Variants in CNTN4 observed in about 807,000 individuals in gnomAD.
The protein encoded by CNTN4 is contactin-4.
In CNTN4, 77 loss-of-function variants were observed where a neutral mutation model predicts 122.5. The observed-to-expected ratio is 0.63, with a 90% CI of 0.52 to 0.76. CNTN4 has a LOEUF of 0.76. Ranked by LOEUF, CNTN4 falls within the 30% of genes least tolerant of loss-of-function variation. The pLI is 0.00. For missense variants in CNTN4, 1,256 were observed against 1,259.1 expected (o/e 1.00, Z 0.04); for synonymous variants, 512 against 447.0 (o/e 1.15, Z -1.83).
At chr3:2,388,975 T>G (rs1318095369) in intron 3 of CNTN4, among the ~76,000 whole-genome samples, 1 of 151,584 alleles carries the variant, frequency 6.6e-6, no homozygotes, top group Non-Finnish European at 1.5e-5. Flanking sequence ...CTGGCCAACA[T>G]GGTGAAACCC....
intron 6 of CNTN4, among the ~76,000 whole-genome samples, chr3:2,779,760 G>A (rs1437439930): frequency 6.6e-6 from 1 of 152,150 alleles, no homozygotes; most frequent in Non-Finnish European, 1.5e-5. Flanking sequence ...GTATCTAGAA[G>A]CCATACAATA....
chr3:2,549,783 C>T (rs2078406729), intron 3 of CNTN4, among the ~76,000 whole-genome samples: 1 of 152,066 alleles, frequency 6.6e-6, no homozygotes, highest in African/African-American at 2.4e-5. Flanking sequence ...GGTACTAGCT[C>T]CTCTTTGTAC....
At chr3:2,552,189 T>C (rs2078536907) in intron 3 of CNTN4, among the ~76,000 whole-genome samples, 1 of 152,152 alleles carries the variant, frequency 6.6e-6, no homozygotes, top group Non-Finnish European at 1.5e-5. Flanking sequence ...AGTCTGTTAC[T>C]GTTGAAACAC....
intron 6 of CNTN4, among the ~76,000 whole-genome samples, chr3:2,792,503 G>T (rs969828393): frequency 2.6e-5 from 4 of 152,160 alleles, no homozygotes; most frequent in Admixed American, 6.5e-5. Context: ...CTTTTCATTT[G>T]CAGCTGAATA....
intron 2 of CNTN4, among the ~76,000 whole-genome samples, chr3:2,270,490 C>CA (rs2041249244): frequency 6.6e-6 from 1 of 151,770 alleles, no homozygotes; most frequent in South Asian, 2.1e-4. Context: ...TATGTTAATA[C>CA]ATCACTTGGC....
chr3:2,778,392 T>C (rs2091435760), intron 6 of CNTN4, among the ~76,000 whole-genome samples: 1 of 151,852 alleles, frequency 6.6e-6, no homozygotes, highest in Non-Finnish European at 1.5e-5. Context: ...TAAATTATGT[T>C]CTCAAAACAT....
intron 4 of CNTN4, among the ~76,000 whole-genome samples, chr3:2,716,472 T>C (rs757920538): frequency 3.3e-5 from 5 of 152,034 alleles, no homozygotes; most frequent in Non-Finnish European, 7.4e-5. Flanking sequence ...GTAAACTGGG[T>C]AGTTCATAGA....
At chr3:2,353,799 T>C (rs1215154480) in intron 3 of CNTN4, among the ~76,000 whole-genome samples, 1 of 152,076 alleles carries the variant, frequency 6.6e-6, no homozygotes, top group Non-Finnish European at 1.5e-5. Context: ...CTCGGGAGGC[T>C]GAGGCAGGAG....
chr3:2,508,033 T>C (rs2076782718), intron 3 of CNTN4, among the ~76,000 whole-genome samples: 1 of 152,204 alleles, frequency 6.6e-6, no homozygotes, highest in Non-Finnish European at 1.5e-5. Flanking sequence ...TTAAATGGGC[T>C]ATTTTCTCCA....
intron 2 of CNTN4, among the ~76,000 whole-genome samples, chr3:2,214,426 A>T (rs2038748825): frequency 6.6e-6 from 1 of 152,170 alleles, no homozygotes; most frequent in African/African-American, 2.4e-5. Context: ...TGTATTTAAT[A>T]TTGAGTTTTT....
chr3:2,320,808 A>C (rs2043252040), intron 2 of CNTN4, among the ~76,000 whole-genome samples: 1 of 152,158 alleles, frequency 6.6e-6, no homozygotes, highest in South Asian at 2.1e-4. Context: ...TAATTTCTTT[A>C]TAGATTACCA....
chr3:2,634,342 G>T (rs1381986902), intron 4 of CNTN4, among the ~76,000 whole-genome samples: 1 of 152,090 alleles, frequency 6.6e-6, no homozygotes, highest in African/African-American at 2.4e-5. Context: ...GAAAATATTT[G>T]TGTATGCGGC....
intron 3 of CNTN4, among the ~76,000 whole-genome samples, chr3:2,421,948 T>A (rs2047634695): frequency 6.6e-6 from 1 of 151,962 alleles, no homozygotes; most frequent in Admixed American, 6.6e-5. Context: ...CCCTTCCTTT[T>A]AGATGTCATT....
At position 2,426,081 on chromosome 3, in the gene CNTN4, C is replaced by T. The variant is rs543275145; in HGVS notation, c.-89+86848C>T. 1.8e-4 allele frequency among the ~76,000 whole-genome samples: 27 copies of T among 152,228 alleles called. No individual in the cohort carries two copies. The East Asian group carries it at 2.7e-3, about 15-fold the overall frequency. On this transcript the variant is annotated intron_variant, in intron 3 of 24. Transcript: ENST00000418658. ...TATTTCCTTCTCCTGCCTGATTGCC[C>T]TGGCCAGAACTTCCAACACTATGTT...
intron 7 of CNTN4, among the ~76,000 whole-genome samples, chr3:2,826,111 C>A (rs1358726217): frequency 6.6e-6 from 1 of 152,152 alleles, no homozygotes; most frequent in Admixed American, 6.5e-5. Flanking sequence ...TAATCAATGG[C>A]AGGAATAAGA....
At chr3:2,754,277 G>T (rs1466941198) in intron 6 of CNTN4, among the ~76,000 whole-genome samples, 1 of 152,118 alleles carries the variant, frequency 6.6e-6, no homozygotes, top group Non-Finnish European at 1.5e-5. Flanking sequence ...TCTTGTAGTA[G>T]TTCAGATCTG....
chr3:2,982,745 T>C (rs1694147248), intron 13 of CNTN4, among the ~76,000 whole-genome samples: 1 of 152,208 alleles, frequency 6.6e-6, no homozygotes, highest in Admixed American at 6.5e-5. Context: ...CCTAGATAGT[T>C]TGTCAAACAG....
intron 3 of CNTN4, among the ~76,000 whole-genome samples, chr3:2,566,904 A>G (rs2079187367): frequency 6.6e-6 from 1 of 152,176 alleles, no homozygotes; most frequent in Non-Finnish European, 1.5e-5. Context: ...TAGTAATTAG[A>G]GATGTAGTCA....
chr3:2,270,030 A>C (rs1153493), intron 2 of CNTN4, among the ~76,000 whole-genome samples: 10,407 of 95,948 alleles, frequency 0.11, 3,308 homozygotes, highest in Middle Eastern at 0.19. Flanking sequence ...GCTCACTGCA[A>C]GCTCCGCTTC....
Sources: allele counts gnomAD v4.1 joint callset (sites outside exome capture counted in the v4.1 genomes callset), GRCh38; gene constraint gnomAD v4.1.1; transcripts MANE v1.5; gene names NCBI Gene and HGNC (gene_info 2026-07-23, HGNC 2026-07-21).